Variants in VWC2 observed in about 807,000 individuals in gnomAD.
VWC2 encodes brorin.
In VWC2, 14 loss-of-function variants were observed where a neutral mutation model predicts 29.8. The observed-to-expected ratio is 0.47, with a 90% CI of 0.31 to 0.74. VWC2 has a LOEUF of 0.74. Among genes scored for constraint, VWC2 ranks in the 30% least tolerant of loss-of-function variants. VWC2 has a pLI of 0.05. For missense variants in VWC2, 457 were observed against 459.8 expected, an observed-to-expected ratio of 0.99 and a Z score of 0.05; for synonymous variants, 213 against 199.0, an observed-to-expected ratio of 1.07 and a Z score of -0.59.
At chr7:49,838,634 GGCTCCGTACAA>G (rs1412084038) in intron 3 of VWC2, among the ~76,000 whole-genome samples, 1 of 151,908 alleles carries the variant, frequency 6.6e-6, no homozygotes, top group Non-Finnish European at 1.5e-5. Flanking sequence ...AGTAGAACGT[GGCTCCGTACAA>G]GCAGTGTTTT....
intron 3 of VWC2, among the ~76,000 whole-genome samples, chr7:49,848,741 C>T (rs1336471885): frequency 1.3e-5 from 2 of 152,202 alleles, no homozygotes; most frequent in East Asian, 3.8e-4. Context: ...ATTTCTCTCA[C>T]AGGTTAATAA....
chr7:49,905,805 C>G (rs937174076), intron 3 of VWC2, among the ~76,000 whole-genome samples: 3 of 150,304 alleles, frequency 2.0e-5, no homozygotes, highest in Non-Finnish European at 4.5e-5. Flanking sequence ...GGTCATAAAG[C>G]CCTTGCTGAT....
chr7:49,822,707 C>T (rs1299521440), intron 3 of VWC2, among the ~76,000 whole-genome samples: 2 of 152,110 alleles, frequency 1.3e-5, no homozygotes, highest in Non-Finnish European at 2.9e-5. Flanking sequence ...CCAAAGTGCT[C>T]GGATTATCAC....
At chr7:49,818,668 T>C (rs1724740909) in intron 3 of VWC2, among the ~76,000 whole-genome samples, 1 of 151,810 alleles carries the variant, frequency 6.6e-6, no homozygotes, top group African/African-American at 2.4e-5. Flanking sequence ...CTGTGTTGCA[T>C]GCACTTCACT....
At position 49,792,212 on chromosome 7, in the gene VWC2, C is replaced by T. The variant is rs191030307; in HGVS notation, c.697-10499C>T. Among the ~76,000 whole-genome samples, 472 of 152,298 alleles carry T rather than the reference C, an allele frequency of 3.1e-3. 14 individuals are homozygous for T. Among genetic ancestry groups the T allele is most frequent in the Admixed American group, 0.03 (464 of 15,300 alleles). ...TCAGTCCCCCATGGATACCAGCGGA[C>T]GACTGTAATTCATCCTTGTGGAGTG... On this transcript the variant is annotated intron_variant, in intron 2 of 3. Coordinates refer to ENST00000340652, the MANE Select transcript of VWC2 (RefSeq NM_198570.5).
At chr7:49,877,487 T>C (rs4917097) in intron 3 of VWC2, among the ~76,000 whole-genome samples, 313 of 18,596 alleles carry the variant, frequency 0.017, 63 homozygotes, top group East Asian at 0.14. Context: ...AAAAAATATA[T>C]ATATATATAT....
At chr7:49,789,165 G>C (rs1173916549) in intron 2 of VWC2, among the ~76,000 whole-genome samples, 2 of 148,658 alleles carry the variant, frequency 1.3e-5, no homozygotes, top group Non-Finnish European at 3.0e-5. Flanking sequence ...GTGGCTGTAT[G>C]TGTGTGTTAG....
chr7:49,778,863 G>T (rs150124396), intron 2 of VWC2, among the ~76,000 whole-genome samples: 1 of 152,362 alleles, frequency 6.6e-6, no homozygotes, highest in African/African-American at 2.4e-5. Flanking sequence ...TCTGTCTGAA[G>T]TGCTTTGCAC....
intron 3 of VWC2, among the ~76,000 whole-genome samples, chr7:49,865,625 G>C (rs552580671): frequency 6.6e-6 from 1 of 152,138 alleles, no homozygotes; most frequent in Non-Finnish European, 1.5e-5. Flanking sequence ...AAGTATTTTT[G>C]AGACTCTGTT....
chr7:49,871,956 CA>C lies in VWC2; in HGVS notation c.827-40077del, dbSNP rs1441190700. Among the ~76,000 whole-genome samples, 8 of 63,100 alleles carry C rather than the reference CA, an allele frequency of 1.3e-4. No individual in the cohort carries two copies. The East Asian group carries it at 1.4e-3, about 11-fold the overall frequency. The allele number at this position is 63,100 out of a possible 152,430, so 41.4% of individuals were successfully genotyped here. ...ACACACACACACACACACACACACA[CA>C]CCGAGAAAGAGAGGGAGGGAGGGAG... On this transcript the variant is annotated intron_variant, in intron 3 of 3. Coordinates refer to ENST00000340652, the MANE Select transcript of VWC2 (RefSeq NM_198570.5).
rs182452529 is a variant in VWC2, at chr7:49,821,721, G to A, written c.826+18881G>A. Among the ~76,000 whole-genome samples the A allele has an allele frequency of 2.6e-5, 4 of 151,356 alleles. No homozygotes were observed. The East Asian group carries it at 7.7e-4, about 29-fold the overall frequency. ...GTGAGTTAAAACATCTAATGCTATT[G>A]CAAATTGTATTTTAAATTCATTTAA... On this transcript the variant is annotated intron_variant, in intron 3 of 3. Coordinates refer to ENST00000340652, the MANE Select transcript of VWC2 (RefSeq NM_198570.5).
chr7:49,901,538 A>T, intron 3 of VWC2, among the ~76,000 whole-genome samples: 1 of 151,906 alleles, frequency 6.6e-6, no homozygotes, highest in East Asian at 1.9e-4. Context: ...ATATAAAATT[A>T]TGATAGAAAA....
chr7:49,810,700 G>A (rs1605609), intron 3 of VWC2, among the ~76,000 whole-genome samples: 4,571 of 152,224 alleles, frequency 0.03, 499 homozygotes, highest in South Asian at 0.23. Flanking sequence ...TGACAGTCCC[G>A]AAAGAAATCC....
rs1158617845 is a variant in VWC2 at position 49,773,861 on chromosome 7, G to A, written c.-356G>A. On this transcript the variant is annotated 5_prime_UTR_variant, in exon 1 of 4. Coordinates refer to ENST00000340652, the MANE Select transcript of VWC2 (RefSeq NM_198570.5). Reference sequence around the variant, plus strand: ...GAGGCCGGAGGATGAGCGACTGAGGGCGACGCGGGCACTGACGCGAGTTGG... The same window carrying A: ...GAGGCCGGAGGATGAGCGACTGAGGACGACGCGGGCACTGACGCGAGTTGG... The A allele has an allele frequency of 1.3e-5, 2 of 152,452 alleles. No individual in the cohort carries two copies. The highest frequency in any genetic ancestry group is 6.5e-5 in the Admixed American group (1 of 15,282). The allele number at this position is 152,452 out of a possible 1,614,324, so 9.4% of individuals were successfully genotyped here. A position where few individuals can be genotyped will look rare whatever the true frequency, so the allele number is the denominator to read the frequency against.
chr7:49,788,445 C>G (rs935554321), intron 2 of VWC2, among the ~76,000 whole-genome samples: 8 of 148,072 alleles, frequency 5.4e-5, no homozygotes, highest in Non-Finnish European at 9.0e-5. Flanking sequence ...TTCCCCTGGC[C>G]TGTGTGTGTG....
intron 2 of VWC2, among the ~76,000 whole-genome samples, chr7:49,796,271 T>C (rs1788588174): frequency 6.6e-6 from 1 of 152,250 alleles, no homozygotes; most frequent in Non-Finnish European, 1.5e-5. Flanking sequence ...ATGAAACCAT[T>C]ACAATTACTT....
In VWC2 at chr7:49,775,608, G is replaced by A. The variant is rs1489327331; in HGVS notation, c.173G>A (p.Arg58Gln). Residue 58 changes from arginine (R) to glutamine (Q), a missense_variant, in exon 2 of 4, where the codon CGG (arginine) becomes CAG (glutamine). Arg to Gln is a conservative substitution (Grantham distance 43, BLOSUM62 1). This residue lies in a region of VWC2 where 272 missense variants were observed against 202.7 expected (regional missense o/e 1.34). Transcript: ENST00000340652. ...CACGCCTCTCGGGACGGCCCGGGGC[G>A]GGTGAACGAGCTCGGGCGCCCGGCG... ...REHASRDGPGRVNELGRPARD... is the reference protein window; with the variant it reads ...REHASRDGPGQVNELGRPARD... 1.0e-5 allele frequency: 16 copies of A among 1,532,944 alleles called. No homozygotes were observed. The highest frequency in any genetic ancestry group is 5.6e-5 in the African/African-American group (4 of 70,980). The allele number at this position is 1,532,944 out of a possible 1,614,324, so 95.0% of individuals were successfully genotyped here. A position where few individuals can be genotyped will look rare whatever the true frequency, so the allele number is the denominator to read the frequency against.
chr7:49,794,813 T>C (rs1206125680), intron 2 of VWC2, among the ~76,000 whole-genome samples: 4 of 152,204 alleles, frequency 2.6e-5, no homozygotes, highest in Admixed American at 2.6e-4. Context: ...ATCCTCATCC[T>C]CTTGTCTATG....
chr7:49,904,153 T>C lies in VWC2; in HGVS notation c.827-7881T>C, dbSNP rs1792950340. Among the ~76,000 whole-genome samples, 3 of 152,222 alleles carry C rather than the reference T, an allele frequency of 2.0e-5. No individual in the cohort carries two copies. The South Asian group carries it at 6.2e-4, about 32-fold the overall frequency. On this transcript the variant is annotated intron_variant, in intron 3 of 3. Coordinates refer to ENST00000340652, the MANE Select transcript of VWC2 (RefSeq NM_198570.5). ...AGTAGTTCCTGCTGGCATTGACTCT[T>C]GTAAGCTCCCAGCTTGTCTATGTCT...
Sources: gnomAD v4.1 joint callset for allele counts (sites outside exome capture counted in the v4.1 genomes callset) on GRCh38, gnomAD v4.1.1 for gene constraint, gnomAD v4.1.1 regional missense constraint, MANE v1.5 for transcripts, NCBI Gene and HGNC (gene_info 2026-07-23, HGNC 2026-07-21) for gene names.